Variants in ADGRA2 observed in about 807,000 individuals in gnomAD.
ADGRA2 encodes the protein adhesion G protein-coupled receptor A2.
Under a neutral mutation model 98.7 loss-of-function variants are expected in ADGRA2, and 61 were observed. The ratio of observed to expected loss-of-function variants is 0.62; its 90% CI spans 0.50 to 0.76. The LOEUF (loss-of-function observed/expected upper bound fraction) is 0.76. Among genes scored for constraint, ADGRA2 ranks in the 30% least tolerant of loss-of-function variants. ADGRA2 has a pLI of 0.00. For synonymous variants in ADGRA2, 858 were observed against 831.5 expected (o/e 1.03, Z -0.55); for missense variants, 1,712 against 1,860.0 (o/e 0.92, Z 1.46).
chr8:37,835,006 T>A (rs1278103131), intron 11 of ADGRA2, among the ~76,000 whole-genome samples, 168 bp from the exon 12 acceptor site: 1 of 149,452 alleles, frequency 6.7e-6, no homozygotes, highest in Non-Finnish European at 1.5e-5. Context: ...CTGGGTGACA[T>A]AGCAAGAATC....
intron 2 of ADGRA2, among the ~76,000 whole-genome samples, chr8:37,826,735 G>C (rs984396225): frequency 6.6e-6 from 1 of 152,142 alleles, no homozygotes; most frequent in South Asian, 2.1e-4. Context: ...TCCTCCCAGC[G>C]GGCAGCCGGC....
Position 37,833,029 on chromosome 8 carries a change from G to A in ADGRA2, c.1117G>A (p.Gly373Ser). ...GDFRWPRTLA[G>S]ITAYQSCLQY... ...CCCCAGGTGGCCCCGAACTCTGGCTGGCATCACAGCCTACCAGTCCTGCCT... is the reference window on the plus strand; with the variant it reads ...CCCCAGGTGGCCCCGAACTCTGGCTAGCATCACAGCCTACCAGTCCTGCCT... Residue 373 changes from glycine (G) to serine (S), a missense_variant, in exon 9 of 19, where the codon GGC (glycine) becomes AGC (serine). By Grantham distance (56) the Gly-to-Ser change is moderately conservative (BLOSUM62 0). Transcript: ENST00000412232. 6.2e-7 allele frequency: 1 copy of A among 1,612,946 alleles called. No individual in the cohort carries two copies. Among genetic ancestry groups the A allele is most frequent in the Non-Finnish European group, 8.5e-7 (1 of 1,179,734 alleles).
At position 37,797,306 on chromosome 8, in the gene ADGRA2, C is replaced by T; in HGVS notation, c.38C>T (p.Ala13Val). 7.6e-7 allele frequency: 1 copy of T among 1,315,864 alleles called. No homozygotes were observed. Among genetic ancestry groups the T allele is most frequent in the Non-Finnish European group, 9.6e-7 (1 of 1,040,140 alleles). The allele number at this position is 1,315,864 out of a possible 1,614,324, so 81.5% of individuals were successfully genotyped here. A position where few individuals can be genotyped will look rare whatever the true frequency, so the allele number is the denominator to read the frequency against. The change falls in exon 1 of 19, where the codon GCG (alanine) becomes GTG (valine). Residue 13 changes from alanine to valine, a missense_variant. Transcript: ENST00000412232. The surrounding 1 kb of genome is among the most constrained non-coding windows in gnomAD (Gnocchi z 5.3). Reference protein sequence around the residue: ...AGGRRMRGAPARLLLPLLPWL... With the variant: ...AGGRRMRGAPVRLLLPLLPWL... ...GGACGCAGGATGCGGGGGGCGCCCG[C>T]GCGCCTGCTGCTGCCGCTGCTGCCG...
chr8:37,808,558 C>CTGTG (rs150292268), intron 1 of ADGRA2, among the ~76,000 whole-genome samples: 4,922 of 146,644 alleles, frequency 0.034, 88 homozygotes, highest in South Asian at 0.049. Context: ...TTGGATGAAG[C>CTGTG]TGTGTGTGTG....
In ADGRA2 at chr8:37,841,292, T is replaced by A. The variant is rs1805782945; in HGVS notation, c.2954T>A (p.Leu985His). 2 of 1,610,230 alleles carry A rather than the reference T, an allele frequency of 1.2e-6. No homozygotes were observed. Among genetic ancestry groups the A allele is most frequent in the East Asian group, 2.2e-5 (1 of 44,796 alleles). ...GSTRLRGSGP[L>H]LSDSGSLLAT... The stretch of plus-strand genomic sequence containing the variant: ...ACCAGGCTCAGGGGCAGCGGCCCCC[T>A]CCTGAGTGACTCAGGTTCCCTTCTT... Residue 985 changes from leucine (L) to histidine (H), a missense_variant, in exon 19 of 19, where the codon CTC (leucine) becomes CAC (histidine). Transcript: ENST00000412232. This position sits in a 1 kb window ranked among gnomAD's most constrained non-coding sequence, Gnocchi z 5.0.
rs143474622 is a variant in ADGRA2, at chr8:37,829,935, G to A, written c.639G>A (p.Ser213=). The change falls in exon 6 of 19, where the codon TCG becomes TCA. Residue 213 remains serine (S), a synonymous_variant. Transcript: ENST00000412232. Reference sequence around the variant, plus strand: ...CCCAGAATCGCTCCCTGCAGCTGTCGGAACACACGCTCTGTGCTTACCCCA... The same window carrying A: ...CCCAGAATCGCTCCCTGCAGCTGTCAGAACACACGCTCTGTGCTTACCCCA... ...PWAQNRSLQL[S]EHTLCAYPSA... The A allele has an allele frequency of 1.4e-5, 23 of 1,611,630 alleles. No homozygotes were observed. Among genetic ancestry groups the A allele is most frequent in the Non-Finnish European group, 1.7e-5 (20 of 1,179,814 alleles).
intron 1 of ADGRA2, among the ~76,000 whole-genome samples, chr8:37,798,661 C>A (rs1465665160): frequency 6.6e-6 from 1 of 152,262 alleles, no homozygotes; most frequent in Non-Finnish European, 1.5e-5. Flanking sequence ...AACCGTTTCT[C>A]CACCGCCCCT....
intron 1 of ADGRA2, among the ~76,000 whole-genome samples, chr8:37,807,207 G>A (rs1282464530): frequency 6.6e-6 from 1 of 152,220 alleles, no homozygotes; most frequent in African/African-American, 2.4e-5. Context: ...GGAAGTGCAG[G>A]AGCGGGCAGA....
At position 37,842,523 on chromosome 8, in the gene ADGRA2, G is replaced by A; in HGVS notation, c.*168G>A. ...ACTTGCCTAGAGGGCATCCCTCTGG[G>A]GTAGCGACAGACAATCCCAGAAACA... is the stretch of plus-strand genomic sequence containing the variant. On this transcript the variant is annotated 3_prime_UTR_variant, in exon 19 of 19. Coordinates refer to ENST00000412232, the MANE Select transcript of ADGRA2 (RefSeq NM_032777.10). The A allele has an allele frequency of 3.5e-6, 4 of 1,153,308 alleles. No homozygotes were observed. In the African/African-American group the frequency reaches 4.9e-5, roughly 14 times the overall value. The allele number at this position is 1,153,308 out of a possible 1,614,324, so 71.4% of individuals were successfully genotyped here.
chr8:37,803,341 A>G (rs1166881591), intron 1 of ADGRA2, among the ~76,000 whole-genome samples: 1 of 152,124 alleles, frequency 6.6e-6, no homozygotes, highest in African/African-American at 2.4e-5. Context: ...AGACACTGCT[A>G]TCTTCCCCAT....
At chr8:37,838,054 G>A in intron 14 of ADGRA2, 115 bp downstream of exon 14, 1 of 882,254 alleles carries the variant, frequency 1.1e-6, no homozygotes, top group Non-Finnish European at 1.7e-6. Context: ...AAGGACTGCA[G>A]CCCTAATTGG....
intron 2 of ADGRA2, among the ~76,000 whole-genome samples, chr8:37,819,845 AT>A (rs906692717): frequency 2.7e-4 from 40 of 150,700 alleles, no homozygotes; most frequent in African/African-American, 9.8e-4. Context: ...TAATTTTTGT[AT>A]TTTTAGTAGA....
At chr8:37,825,235 A>G (rs1448526096) in intron 2 of ADGRA2, among the ~76,000 whole-genome samples, 2 of 152,150 alleles carry the variant, frequency 1.3e-5, no homozygotes, top group East Asian at 3.9e-4. Flanking sequence ...CAGACCATCC[A>G]GCAAAGGACT....
At chr8:37,827,827 A>AT (rs151320754) in intron 2 of ADGRA2, among the ~76,000 whole-genome samples, 8,017 of 152,064 alleles carry the variant, frequency 0.053, 539 homozygotes, top group African/African-American at 0.16. Flanking sequence ...CACAGGGATA[A>AT]AACAGCCATA....
chr8:37,836,706 A>G (rs561780410), intron 13 of ADGRA2, among the ~76,000 whole-genome samples: 6 of 152,152 alleles, frequency 3.9e-5, no homozygotes, highest in Admixed American at 1.3e-4. Context: ...TGCAAACTGC[A>G]CTTTGCACGT....
chr8:37,799,654 G>A lies in ADGRA2; in HGVS notation c.266+2120G>A, dbSNP rs141850095. On this transcript the variant is annotated intron_variant, in intron 1 of 18. Coordinates refer to ENST00000412232, the MANE Select transcript of ADGRA2 (RefSeq NM_032777.10). ...CTCTTGGTAAGAATACATTAGAACC[G>A]GCTGGCAGCAAAGGTGACCCCTAGC... Among the ~76,000 whole-genome samples the A allele has an allele frequency of 4.6e-5, 7 of 152,150 alleles. No homozygotes were observed. In the East Asian group the frequency reaches 9.7e-4, roughly 21 times the overall value.
chr8:37,827,971 C>T (rs7387488), intron 2 of ADGRA2, among the ~76,000 whole-genome samples: 2,077 of 146,898 alleles, frequency 0.014, 95 homozygotes, highest in East Asian at 0.09. Flanking sequence ...CTGTCTCTAC[C>T]AAAAAAAATT....
rs1056740287 is a variant in ADGRA2 at position 37,837,735 on chromosome 8, C to T, written c.2055C>T (p.Gly685=). The T allele has an allele frequency of 1.3e-6, 2 of 1,552,280 alleles. No homozygotes were observed. Among genetic ancestry groups the T allele is most frequent in the Non-Finnish European group, 1.7e-6 (2 of 1,148,096 alleles). ...ATPVIFAGTS[G]CGVGNLTEPV... is the part of the protein sequence containing the mutation. ...GACGTCCCTCTCCCGCTGTAGGTGG[C>T]TGTGGCGTGGGAAACCTGACAGAGC... Residue 685 remains glycine (G), a synonymous_variant, in exon 14 of 19, where the codon GGC becomes GGT. Transcript: ENST00000412232.
chr8:37,805,176 C>G (rs899688694), intron 1 of ADGRA2, among the ~76,000 whole-genome samples: 1 of 152,240 alleles, frequency 6.6e-6, no homozygotes, highest in Admixed American at 6.5e-5. Flanking sequence ...AGTGAACTCT[C>G]TGTTGACCAA....
Sources: gnomAD v4.1 joint callset for allele counts (sites outside exome capture counted in the v4.1 genomes callset) on GRCh38, gnomAD v4.1.1 for gene constraint, Gnocchi (gnomAD v3.1) non-coding constraint, MANE v1.5 for transcripts, NCBI Gene and HGNC (gene_info 2026-07-23, HGNC 2026-07-21) for gene names.